BCAN: variants seen among roughly 807,000 people sequenced by gnomAD.
The protein encoded by BCAN is brevican.
In BCAN, 51 loss-of-function variants were observed where a neutral mutation model predicts 92.4. The ratio of observed to expected loss-of-function variants is 0.55; its 90% CI spans 0.44 to 0.70. BCAN has a LOEUF of 0.70. BCAN is among the 30% of genes least tolerant of loss of function. BCAN has a pLI of 0.00. For synonymous variants in BCAN, 501 were observed against 505.2 expected (o/e 0.99, Z 0.11); for missense variants, 1,140 against 1,212.1 (o/e 0.94, Z 0.88).
rs370320580 is a variant in BCAN at position 156,646,126 on chromosome 1, T to C, written c.72T>C (p.Val24=). 21 of 1,613,844 alleles carry C rather than the reference T, an allele frequency of 1.3e-5. No homozygotes were observed. The African/African-American group carries it at 2.1e-4, about 16-fold the overall frequency. The change falls in exon 2 of 14, where the codon GTT becomes GTC. Residue 24 remains valine, a synonymous_variant. Transcript: ENST00000329117. ...AGGCTCCTGCAGCTTTAGCAGATGT[T>C]CTGGAAGGAGACAGCTCAGGTAAGC... The part of the protein sequence containing the change: ...LAQAPAALAD[V]LEGDSSEDRA...
In BCAN at chr1:156,658,970, C is replaced by G; in HGVS notation, c.2629-57C>G. ...CTGAGCAAGAACATCAGAGGGCAGG[C>G]TCTGAGGAGAGGAGAAGGAAGAGCC... On this transcript the variant is annotated intron_variant, in intron 13 of 13. Coordinates refer to ENST00000329117, the MANE Select transcript of BCAN (RefSeq NM_021948.5). The surrounding 1 kb of genome is among the most constrained non-coding windows in gnomAD (Gnocchi z 4.4). 6.8e-7 allele frequency: 1 copy of G among 1,474,696 alleles called. No homozygotes were observed. The highest frequency in any genetic ancestry group is 9.3e-7 in the Non-Finnish European group (1 of 1,078,528). 91.4% of individuals were successfully genotyped at this position (1,474,696 alleles called of 1,614,324 possible). A position where few individuals can be genotyped will look rare whatever the true frequency, so the allele number is the denominator to read the frequency against.
At position 156,651,607 on chromosome 1, in the gene BCAN, C is replaced by G; in HGVS notation, c.1215C>G (p.Ile405Met). 1 of 1,613,942 alleles carries G rather than the reference C, an allele frequency of 6.2e-7. No individual in the cohort carries two copies. The highest frequency in any genetic ancestry group is 8.5e-7 in the Non-Finnish European group (1 of 1,180,034). Residue 405 changes from isoleucine (I) to methionine (M), a missense_variant, in exon 7 of 14, where the codon ATC becomes ATG. By Grantham distance (10) the Ile-to-Met change is conservative (BLOSUM62 1). This residue lies in a region of BCAN where 825 missense variants were observed against 871.8 expected (regional missense o/e 0.95). Transcript: ENST00000329117. ...CAGAGAGTGAATCCCGTGGGGCCAT[C>G]TACTCCATCCCCATCATGGAGGACG... is the stretch of plus-strand genomic sequence containing the variant. ...EATESESRGAIYSIPIMEDGG... is the reference protein window; with the variant it reads ...EATESESRGAMYSIPIMEDGG...
chr1:156,655,054 T>C lies in BCAN; in HGVS notation c.1943-1228T>C, dbSNP rs570994469. Reference sequence around the variant, plus strand: ...CACTGTGGACCTTGGCCATGGCTTCTAGAGGTGGATGGTAAAGTCTGAAGG... The same window carrying C: ...CACTGTGGACCTTGGCCATGGCTTCCAGAGGTGGATGGTAAAGTCTGAAGG... On this transcript the variant is annotated intron_variant, in intron 8 of 13. Transcript: ENST00000329117. Among the ~76,000 whole-genome samples, 17 of 152,348 alleles carry C rather than the reference T, an allele frequency of 1.1e-4. No individual in the cohort carries two copies. In the South Asian group the frequency reaches 3.1e-3, roughly 28 times the overall value.
intron 2 of BCAN, 33 bp from the exon 3 acceptor site, chr1:156,646,768 C>A: frequency 6.6e-7 from 1 of 1,517,432 alleles, no homozygotes; most frequent in Non-Finnish European, 8.8e-7. Flanking sequence ...GGGTCGACAG[C>A]GTTAAGTTCC....
At chr1:156,646,214 G>C in intron 2 of BCAN, 69 bp downstream of exon 2, 1 of 1,487,846 alleles carries the variant, frequency 6.7e-7, no homozygotes, top group East Asian at 2.3e-5. Flanking sequence ...CCAGGCTTAG[G>C]GGCCCCAGGA....
chr1:156,646,414 A>G, intron 2 of BCAN: 1 of 505,684 alleles, frequency 2.0e-6, no homozygotes, highest in South Asian at 3.6e-5. Flanking sequence ...AAAGGGGTGG[A>G]ACTGGGAGAA....
intron 6 of BCAN, among the ~76,000 whole-genome samples, chr1:156,649,229 C>T (rs1571442454): frequency 6.6e-6 from 1 of 152,192 alleles, no homozygotes; most frequent in African/African-American, 2.4e-5. Context: ...CCAAGTTCTT[C>T]CAGTCAACAA....
rs1302302318 is a variant in BCAN, at chr1:156,657,777, C to T, written c.2292+20C>T. On this transcript the variant is annotated intron_variant, in intron 11 of 13. Coordinates refer to ENST00000329117, the MANE Select transcript of BCAN (RefSeq NM_021948.5). Reference sequence around the variant, plus strand: ...CCCCTGGTGAGAGGCCCCAGTCGAACCCCGCCGTCTAGCTCACTTCCTCTA... The same window carrying T: ...CCCCTGGTGAGAGGCCCCAGTCGAATCCCGCCGTCTAGCTCACTTCCTCTA... The T allele has an allele frequency of 3.7e-6, 6 of 1,600,224 alleles. No individual in the cohort carries two copies. The highest frequency in any genetic ancestry group is 1.1e-5 in the South Asian group (1 of 90,474).
Position 156,658,806 on chromosome 1 carries a change from C to T in BCAN, c.2628+73C>T, listed in dbSNP as rs1679429137. The T allele has an allele frequency of 3.2e-6, 5 of 1,580,234 alleles. No individual in the cohort carries two copies. In the South Asian group the frequency reaches 5.6e-5, roughly 18 times the overall value. On this transcript the variant is annotated intron_variant, in intron 13 of 13. Transcript: ENST00000329117. The surrounding 1 kb of genome is among the most constrained non-coding windows in gnomAD (Gnocchi z 4.4). ...GTAGCCTTGGACTCCACTTAAAGTC[C>T]TGCCTGTCACTGGCCATGTGACCTT... is the stretch of plus-strand genomic sequence containing the variant.
Position 156,657,368 on chromosome 1 carries a change from C to T in BCAN, c.2209+272C>T, listed in dbSNP as rs1359498389. ...GTGCAGGGGGCCGCCTCCAATCCCT[C>T]CAACCTCCCTGCTCTCCGACCTCCG... On this transcript the variant is annotated intron_variant, in intron 10 of 13. Coordinates refer to ENST00000329117, the MANE Select transcript of BCAN (RefSeq NM_021948.5). The T allele has an allele frequency of 7.1e-6, 4 of 566,312 alleles. No homozygotes were observed. The African/African-American group carries it at 7.6e-5, about 11-fold the overall frequency. The allele number at this position is 566,312 out of a possible 1,614,324, so 35.1% of individuals were successfully genotyped here.
chr1:156,644,879 C>T (rs1454595413), intron 1 of BCAN: 1 of 152,260 alleles, frequency 6.6e-6, no homozygotes, highest in Non-Finnish European at 1.5e-5. Context: ...CATCATTGGC[C>T]TATTCCATGG....
chr1:156,653,916 G>T (rs944227968), intron 8 of BCAN, among the ~76,000 whole-genome samples: 22 of 152,112 alleles, frequency 1.4e-4, no homozygotes, highest in Admixed American at 1.1e-3. Flanking sequence ...GGAACTGAGG[G>T]TCTCTCAGCA....
chr1:156,657,410 C>T, intron 10 of BCAN: 1 of 554,046 alleles, frequency 1.8e-6, no homozygotes, highest in Non-Finnish European at 3.2e-6. Flanking sequence ...TCCTCCAACT[C>T]CAACTCCAAT....
intron 7 of BCAN, 133 bp from the exon 8 acceptor site, chr1:156,652,115 T>G: frequency 8.2e-7 from 1 of 1,218,928 alleles, no homozygotes; most frequent in Non-Finnish European, 1.1e-6. Flanking sequence ...AAGGACCACC[T>G]GTCCTCAGGG....
At chr1:156,656,222 G>A in intron 8 of BCAN, 60 bp from the exon 9 acceptor site, 2 of 1,249,746 alleles carry the variant, frequency 1.6e-6, no homozygotes, top group Non-Finnish European at 2.1e-6. Flanking sequence ...CTCCTGGAGG[G>A]CTCAGGCTGC....
intron 6 of BCAN, chr1:156,650,056 T>C (rs1300884867): frequency 4.7e-6 from 2 of 423,756 alleles, no homozygotes; most frequent in African/African-American, 4.1e-5. Flanking sequence ...TTGGCTGGGG[T>C]TGGGGAGGGG....
In BCAN at chr1:156,657,064, T is replaced by C; in HGVS notation, c.2177T>C (p.Ile726Thr). ...ATGTACGGCGCGCATCTGGCCAGCA[T>C]CAGCACACCCGAGGAACAGGACTTC... ...CRMYGAHLAS[I>T]STPEEQDFIN... The change falls in exon 10 of 14, where the codon ATC (isoleucine) becomes ACC (threonine). Residue 726 changes from isoleucine to threonine, a missense_variant. Physicochemically the swap from Ile to Thr is moderately conservative, Grantham distance 89. Transcript: ENST00000329117. The C allele has an allele frequency of 6.2e-7, 1 of 1,614,088 alleles. No homozygotes were observed. Among genetic ancestry groups the C allele is most frequent in the Non-Finnish European group, 8.5e-7 (1 of 1,179,964 alleles).
In BCAN at chr1:156,651,673, C is replaced by A; in HGVS notation, c.1281C>A (p.Ala427=). 1 of 1,611,602 alleles carries A rather than the reference C, an allele frequency of 6.2e-7. No individual in the cohort carries two copies. Among genetic ancestry groups the A allele is most frequent in the Non-Finnish European group, 8.5e-7 (1 of 1,179,198 alleles). Reference sequence around the variant, plus strand: ...CCACTCCAGAAGACCCAGCAGAGGCCCCTAGGACGCTCCTAGGTAAGTCGG... The same window carrying A: ...CCACTCCAGAAGACCCAGCAGAGGCACCTAGGACGCTCCTAGGTAAGTCGG... The part of the protein sequence containing the change: ...GSSTPEDPAE[A]PRTLLEFETQ... The change falls in exon 7 of 14, where the codon GCC becomes GCA. Residue 427 remains alanine (A), a synonymous_variant. Transcript: ENST00000329117.
chr1:156,656,171 C>T, intron 8 of BCAN, 111 bp from the exon 9 acceptor site: 1 of 650,542 alleles, frequency 1.5e-6, no homozygotes, highest in Non-Finnish European at 2.4e-6. Flanking sequence ...GTTATAGCTT[C>T]CAGGACAGAG....
Sources: gnomAD v4.1 joint callset for allele counts (sites outside exome capture counted in the v4.1 genomes callset) on GRCh38, gnomAD v4.1.1 for gene constraint, gnomAD v4.1.1 regional missense constraint, Gnocchi (gnomAD v3.1) non-coding constraint, MANE v1.5 for transcripts, NCBI Gene and HGNC (gene_info 2026-07-23, HGNC 2026-07-21) for gene names.